The following NXPE3 variants were observed in gnomAD, a reference collection of about 807,000 sequenced individuals.
The protein encoded by NXPE3 is NXPE family member 3.
Under a neutral mutation model 46.1 loss-of-function variants are expected in NXPE3, and 26 were observed. The ratio of observed to expected loss-of-function variants is 0.56; its 90% CI spans 0.41 to 0.78. NXPE3 has a LOEUF of 0.78. Among genes scored for constraint, NXPE3 ranks in the 30% least tolerant of loss-of-function variants. The pLI, the probability that NXPE3 is intolerant of heterozygous loss-of-function variation, is 0.00. For missense variants in NXPE3, 620 were observed against 686.0 expected (o/e 0.90, Z 1.07); for synonymous variants, 272 against 257.9 (o/e 1.05, Z -0.52).
At chr3:101,785,816 G>T in intron 4 of NXPE3, 127 bp downstream of exon 4, 1 of 747,938 alleles carries the variant, frequency 1.3e-6, no homozygotes, top group Non-Finnish European at 2.4e-6. Flanking sequence ...CATTTATTCG[G>T]TAAGTATTTG....
At chr3:101,798,441 G>A (rs960760861) in intron 4 of NXPE3, among the ~76,000 whole-genome samples, 1 of 151,668 alleles carries the variant, frequency 6.6e-6, no homozygotes, top group Non-Finnish European at 1.5e-5. Context: ...CTAGAGTGCG[G>A]TGGCACAGTC....
At chr3:101,799,564 T>C (rs2107290423) in intron 4 of NXPE3, among the ~76,000 whole-genome samples, 2 of 152,200 alleles carry the variant, frequency 1.3e-5, no homozygotes, top group Middle Eastern at 6.8e-3. Flanking sequence ...TAGTTGGGAT[T>C]ACAGGCGCCT....
At chr3:101,791,158 A>G (rs1258946915) in intron 4 of NXPE3, among the ~76,000 whole-genome samples, 1 of 152,052 alleles carries the variant, frequency 6.6e-6, no homozygotes, top group Non-Finnish European at 1.5e-5. Flanking sequence ...ATAAGTTCTT[A>G]TCATTTAGTT....
intron 4 of NXPE3, among the ~76,000 whole-genome samples, chr3:101,792,812 T>C (rs746460619): frequency 3.9e-5 from 6 of 152,206 alleles, no homozygotes; most frequent in Non-Finnish European, 7.4e-5. Flanking sequence ...ATGTTGTCAG[T>C]AGTTTGCTAG....
Position 101,827,628 on chromosome 3 carries a change from A to G in NXPE3, c.*5674A>G, listed in dbSNP as rs1560078971. On this transcript the variant is annotated 3_prime_UTR_variant, in exon 8 of 8. Coordinates refer to ENST00000273347, the MANE Select transcript of NXPE3 (RefSeq NM_145037.4). ...AATGCCCATCAGGAGATTCACTAGGACATTTTAAAAGGACGTCTTTAAGGA... is the reference window on the plus strand; with the variant it reads ...AATGCCCATCAGGAGATTCACTAGGGCATTTTAAAAGGACGTCTTTAAGGA... Among the ~76,000 whole-genome samples, 1 of 152,226 alleles carries G rather than the reference A, an allele frequency of 6.6e-6. No individual in the cohort carries two copies. The highest frequency in any genetic ancestry group is 1.5e-5 in the Non-Finnish European group (1 of 68,036).
intron 6 of NXPE3, among the ~76,000 whole-genome samples, chr3:101,808,757 CT>C (rs1941544062): frequency 7.2e-6 from 1 of 139,664 alleles, no homozygotes; most frequent in Admixed American, 7.8e-5. Context: ...AATTCCCAGT[CT>C]TTTCCTGATG....
chr3:101,785,992 A>G (rs562587923), intron 4 of NXPE3, among the ~76,000 whole-genome samples: 1 of 152,336 alleles, frequency 6.6e-6, no homozygotes, highest in African/African-American at 2.4e-5. Flanking sequence ...GACATTGTGA[A>G]AAGTGCAAAA....
intron 7 of NXPE3, 56 bp downstream of exon 7, chr3:101,817,057 C>A (rs1942007465): frequency 6.9e-7 from 1 of 1,448,198 alleles, no homozygotes; most frequent in South Asian, 1.1e-5. Flanking sequence ...TTGAAATAAG[C>A]AGACTCACTC....
intron 7 of NXPE3, among the ~76,000 whole-genome samples, chr3:101,819,739 ATACT>A (rs1484339561): frequency 6.6e-6 from 1 of 152,202 alleles, no homozygotes; most frequent in African/African-American, 2.4e-5. Context: ...ATCACCTCAC[ATACT>A]TACTTTTTTA....
intron 5 of NXPE3, among the ~76,000 whole-genome samples, chr3:101,802,805 T>C (rs1298018300): frequency 6.6e-6 from 1 of 151,980 alleles, no homozygotes; most frequent in African/African-American, 2.4e-5. Context: ...GGAACCAGTA[T>C]GAATTAAAAT....
Position 101,827,754 on chromosome 3 carries a change from A to G in NXPE3, c.*5800A>G, listed in dbSNP as rs1942560148. 6.6e-6 allele frequency among the ~76,000 whole-genome samples: 1 copy of G among 151,956 alleles called. No homozygotes were observed. Among genetic ancestry groups the G allele is most frequent in the Non-Finnish European group, 1.5e-5 (1 of 67,984 alleles). ...GGGAATGTCCGGGACTCGGGTCGGT[A>G]CCTTTTTGGTCTGGGAATTTCCAGT... On this transcript the variant is annotated 3_prime_UTR_variant, in exon 8 of 8. Coordinates refer to ENST00000273347, the MANE Select transcript of NXPE3 (RefSeq NM_145037.4).
intron 6 of NXPE3, among the ~76,000 whole-genome samples, chr3:101,811,548 A>G (rs1004045293): frequency 6.6e-6 from 1 of 152,088 alleles, no homozygotes; most frequent in African/African-American, 2.4e-5. Flanking sequence ...CTGAGGGTAT[A>G]GTTAGGGAAT....
chr3:101,780,710 T>C (rs1939767074), intron 1 of NXPE3, among the ~76,000 whole-genome samples: 1 of 152,196 alleles, frequency 6.6e-6, no homozygotes, highest in Non-Finnish European at 1.5e-5. Flanking sequence ...TATCAATGTG[T>C]TCAATATTTA....
In NXPE3 at chr3:101,818,857, G is replaced by A. The variant is rs561937561; in HGVS notation, c.1129+1856G>A. Among the ~76,000 whole-genome samples the A allele has an allele frequency of 2.1e-4, 28 of 136,396 alleles. No homozygotes were observed. In the East Asian group the frequency reaches 3.9e-3, roughly 19 times the overall value. 89.5% of individuals were successfully genotyped at this position (136,396 alleles called of 152,430 possible). On this transcript the variant is annotated intron_variant, in intron 7 of 7. Transcript: ENST00000273347. Reference sequence around the variant, plus strand: ...CTCTACTCACTAAAACCTCTGCCTCGCAGGTTCATGTGATTCTCCTGCCTC... The same window carrying A: ...CTCTACTCACTAAAACCTCTGCCTCACAGGTTCATGTGATTCTCCTGCCTC...
intron 4 of NXPE3, among the ~76,000 whole-genome samples, chr3:101,798,963 T>C (rs1418060290): frequency 6.6e-6 from 1 of 152,112 alleles, no homozygotes; most frequent in Non-Finnish European, 1.5e-5. Context: ...AGAGACAAGG[T>C]CTTGCTCTGT....
At chr3:101,800,329 T>C (rs1311127412) in intron 4 of NXPE3, among the ~76,000 whole-genome samples, 1 of 152,224 alleles carries the variant, frequency 6.6e-6, no homozygotes, top group Non-Finnish European at 1.5e-5. Flanking sequence ...GTATACCATT[T>C]TGGGATTTTT....
chr3:101,826,876 AT>A lies in NXPE3; in HGVS notation c.*4923del, dbSNP rs1246676120. On this transcript the variant is annotated 3_prime_UTR_variant, in exon 8 of 8. Coordinates refer to ENST00000273347, the MANE Select transcript of NXPE3 (RefSeq NM_145037.4). ...TGATGAAACCCCATCTCTACTAAAA[AT>A]ACAAAAATAGCCAGGTGTGGTGGCA... 1 of 152,190 alleles carries A rather than the reference AT, an allele frequency of 6.6e-6. No homozygotes were observed. The highest frequency in any genetic ancestry group is 1.5e-5 in the Non-Finnish European group (1 of 68,058). The allele number at this position is 152,190 out of a possible 1,614,324, so 9.4% of individuals were successfully genotyped here. A position where few individuals can be genotyped will look rare whatever the true frequency, so the allele number is the denominator to read the frequency against.
chr3:101,820,450 T>C (rs957537357), intron 7 of NXPE3, among the ~76,000 whole-genome samples: 1 of 152,206 alleles, frequency 6.6e-6, no homozygotes, highest in Non-Finnish European at 1.5e-5. Context: ...AATTCGATCA[T>C]TGTGGAAAGC....
At chr3:101,814,578 C>G (rs534985915) in intron 6 of NXPE3, among the ~76,000 whole-genome samples, 2 of 152,174 alleles carry the variant, frequency 1.3e-5, no homozygotes, top group Non-Finnish European at 2.9e-5. Context: ...AATGTCAAGT[C>G]AAATAAGCTA....
Sources: gnomAD v4.1 joint callset for allele counts (sites outside exome capture counted in the v4.1 genomes callset) on GRCh38, gnomAD v4.1.1 for gene constraint, MANE v1.5 for transcripts, NCBI Gene and HGNC (gene_info 2026-07-23, HGNC 2026-07-21) for gene names.